The following ALMS1 variants were observed in gnomAD, a reference collection of about 807,000 sequenced individuals.
ALMS1 encodes ALMS1 centrosome and basal body associated protein, also known as centrosome-associated protein ALMS1.
In ALMS1, 271 loss-of-function variants were observed where a neutral mutation model predicts 352.2. That is an observed-to-expected ratio of 0.77 (90% CI 0.70 to 0.85). The LOEUF is 0.85. Ranked by LOEUF, ALMS1 falls within the 40% of genes least tolerant of loss-of-function variation. The pLI is 0.00. For missense variants in ALMS1, 5,445 were observed against 4,870.7 expected (o/e 1.12, Z -3.51); for synonymous variants, 1,865 against 1,761.2 (o/e 1.06, Z -1.48).
At chr2:73,517,501 G>A (rs1277159139) in intron 10 of ALMS1, among the ~76,000 whole-genome samples, 1 of 151,848 alleles carries the variant, frequency 6.6e-6, no homozygotes, top group African/African-American at 2.4e-5. Flanking sequence ...TCCTGCCTCA[G>A]CCTCCCAAAG....
intron 9 of ALMS1, among the ~76,000 whole-genome samples, chr2:73,479,288 T>A (rs368992138): frequency 2.6e-5 from 4 of 152,186 alleles, no homozygotes; most frequent in African/African-American, 9.7e-5. Flanking sequence ...AACCACAACG[T>A]TGATATTGAT....
At chr2:73,539,672 G>T (rs1012633180) in intron 12 of ALMS1, among the ~76,000 whole-genome samples, 9 of 152,138 alleles carry the variant, frequency 5.9e-5, no homozygotes, top group African/African-American at 2.2e-4. Context: ...ATGCAGAGAA[G>T]TCCTTAAAGG....
At chr2:73,598,101 A>C (rs187589252) in intron 16 of ALMS1, among the ~76,000 whole-genome samples, 16 of 152,358 alleles carry the variant, frequency 1.1e-4, no homozygotes, top group African/African-American at 3.8e-4. Context: ...TTGAAATTAT[A>C]TTTGGATAAG....
At chr2:73,556,750 T>C (rs528161788) in intron 13 of ALMS1, among the ~76,000 whole-genome samples, 1 of 152,172 alleles carries the variant, frequency 6.6e-6, no homozygotes, top group African/African-American at 2.4e-5. Flanking sequence ...TCGCCCCGGC[T>C]GGAGTGCAGT....
At chr2:73,436,554 T>A (rs142511039) in intron 7 of ALMS1, among the ~76,000 whole-genome samples, 1 of 152,374 alleles carries the variant, frequency 6.6e-6, no homozygotes, top group Non-Finnish European at 1.5e-5. Context: ...CACTGGTCTC[T>A]AAGCCTTTGT....
Position 73,491,315 on chromosome 2 carries a change from C to A in ALMS1, c.9356C>A (p.Pro3119His). The change falls in exon 10 of 23, where the codon CCT becomes CAT. Residue 3119 changes from proline (P) to histidine (H), a missense_variant. Pro to His is a moderately conservative substitution (Grantham distance 77). Coordinates refer to ENST00000613296, the MANE Select transcript of ALMS1 (RefSeq NM_001378454.1). ...CAAGAATCTTTAGGTTTTCTAGGAC[C>A]TAAATCTTCACTGGATTTCCAAGTC... is the stretch of plus-strand genomic sequence containing the variant. ...QDQESLGFLG[P>H]KSSLDFQVVQ... 6.2e-7 allele frequency: 1 copy of A among 1,614,154 alleles called. No homozygotes were observed. Among genetic ancestry groups the A allele is most frequent in the Non-Finnish European group, 8.5e-7 (1 of 1,180,012 alleles).
At chr2:73,477,075 T>G (rs539708465) in intron 9 of ALMS1, among the ~76,000 whole-genome samples, 120 of 152,272 alleles carry the variant, frequency 7.9e-4, no homozygotes, top group Non-Finnish European at 1.4e-3. Context: ...ACCTTTTCAC[T>G]CTGTTGATGG....
At chr2:73,409,765 T>A (rs992564219) in intron 2 of ALMS1, among the ~76,000 whole-genome samples, 13 of 152,170 alleles carry the variant, frequency 8.5e-5, no homozygotes, top group Non-Finnish European at 2.9e-5. Flanking sequence ...TATATCTTTA[T>A]TGATATTTAT....
chr2:73,517,100 C>T (rs1673574064), intron 10 of ALMS1, among the ~76,000 whole-genome samples: 2 of 151,844 alleles, frequency 1.3e-5, no homozygotes. Context: ...TCATAATTGT[C>T]CTTTTCAATT....
At chr2:73,556,277 G>A (rs1439779068) in intron 13 of ALMS1, among the ~76,000 whole-genome samples, 2 of 152,142 alleles carry the variant, frequency 1.3e-5, no homozygotes, top group African/African-American at 2.4e-5. Flanking sequence ...TAAGAAAAAT[G>A]TGTGAATTTA....
chr2:73,501,825 G>A (rs1673223920), intron 10 of ALMS1, among the ~76,000 whole-genome samples: 1 of 151,722 alleles, frequency 6.6e-6, no homozygotes. Context: ...ATTTTTTTGG[G>A]GATTGTATGG....
chr2:73,486,636 C>G (rs559148005), intron 9 of ALMS1, among the ~76,000 whole-genome samples: 1 of 152,314 alleles, frequency 6.6e-6, no homozygotes, highest in East Asian at 1.9e-4. Flanking sequence ...AGCATAATTC[C>G]TCAGGTCCCT....
chr2:73,535,280 AT>A (rs1423357121), intron 12 of ALMS1, among the ~76,000 whole-genome samples: 3 of 152,036 alleles, frequency 2.0e-5, no homozygotes, highest in Non-Finnish European at 4.4e-5. Flanking sequence ...ATAAGCAATT[AT>A]TTTTTTCAAA....
At chr2:73,487,136 C>T (rs1271727898) in intron 9 of ALMS1, among the ~76,000 whole-genome samples, 3 of 152,214 alleles carry the variant, frequency 2.0e-5, no homozygotes, top group Non-Finnish European at 4.4e-5. Flanking sequence ...GCCAGCAGCA[C>T]CTTCTGCCTG....
chr2:73,552,936 A>G (rs774365322), intron 13 of ALMS1, among the ~76,000 whole-genome samples: 1 of 152,230 alleles, frequency 6.6e-6, no homozygotes, highest in Non-Finnish European at 1.5e-5. Context: ...ATTGTCCCCA[A>G]AGTTTCAACA....
At chr2:73,582,656 A>G (rs999642076) in intron 16 of ALMS1, among the ~76,000 whole-genome samples, 1 of 152,224 alleles carries the variant, frequency 6.6e-6, no homozygotes, top group Non-Finnish European at 1.5e-5. Context: ...TTCACTTAGC[A>G]TAAGATCTTA....
At chr2:73,539,625 G>A (rs1674118594) in intron 12 of ALMS1, among the ~76,000 whole-genome samples, 1 of 152,050 alleles carries the variant, frequency 6.6e-6, no homozygotes, top group Non-Finnish European at 1.5e-5. Flanking sequence ...TAAAAACCTT[G>A]AAAAAAGATT....
At position 73,541,516 on chromosome 2, in the gene ALMS1, T is replaced by A. The variant is rs899736277; in HGVS notation, c.9907+6567T>A. Reference sequence around the variant, plus strand: ...AAGCTAGCAGAAGGCAAGAAATAACTAAGAGCAGAACTGAAGGAAATAGAG... The same window carrying A: ...AAGCTAGCAGAAGGCAAGAAATAACAAAGAGCAGAACTGAAGGAAATAGAG... On this transcript the variant is annotated intron_variant, in intron 12 of 22. Transcript: ENST00000613296. Among the ~76,000 whole-genome samples, 6 of 152,008 alleles carry A rather than the reference T, an allele frequency of 3.9e-5. No homozygotes were observed. In the South Asian group the frequency reaches 1.0e-3, roughly 26 times the overall value.
chr2:73,503,378 T>C (rs1157312422), intron 10 of ALMS1, among the ~76,000 whole-genome samples: 1 of 152,182 alleles, frequency 6.6e-6, no homozygotes, highest in African/African-American at 2.4e-5. Context: ...TATAGTTTAC[T>C]GAGAATGATG....
Sources: allele counts gnomAD v4.1 joint callset (sites outside exome capture counted in the v4.1 genomes callset), GRCh38; gene constraint gnomAD v4.1.1; transcripts MANE v1.5; gene names NCBI Gene and HGNC (gene_info 2026-07-23, HGNC 2026-07-21).